The following WLS variants were observed in gnomAD, a reference collection of about 807,000 sequenced individuals.
The protein encoded by WLS is protein wntless homolog.
Under a neutral mutation model 62.8 loss-of-function variants are expected in WLS, and 23 were observed. The observed-to-expected ratio is 0.37, with a 90% confidence interval of 0.26 to 0.52. The LOEUF is 0.52. WLS is among the 20% of genes least tolerant of loss of function. WLS has a pLI of 0.92. For missense variants in WLS, 615 were observed against 697.3 expected (o/e 0.88, Z 1.33); for synonymous variants, 246 against 244.1 (o/e 1.01, Z -0.07).
chr1:68,207,260 A>T (rs2566796), intron 1 of WLS, among the ~76,000 whole-genome samples: 146,128 of 152,320 alleles, frequency 0.96, 70,402 homozygotes, highest in East Asian at 1. Context: ...CAGTGGTCTG[A>T]ATACTCACAG....
intron 1 of WLS, among the ~76,000 whole-genome samples, chr1:68,212,073 C>A (rs1470406030): frequency 6.6e-6 from 1 of 152,182 alleles, no homozygotes; most frequent in African/African-American, 2.4e-5. Flanking sequence ...AAGAGCTTTC[C>A]TTCCCCCTTT....
chr1:68,174,868 GCCTGGTGA>G (rs2100550834), intron 2 of WLS, among the ~76,000 whole-genome samples: 1 of 152,266 alleles, frequency 6.6e-6, no homozygotes, highest in South Asian at 2.1e-4. Flanking sequence ...GGGCCTGTTG[GCCTGGTGA>G]CCTCCTCCAC....
At chr1:68,160,071 CTTTTTT>C (rs58448910) in intron 2 of WLS, among the ~76,000 whole-genome samples, 3,487 of 93,610 alleles carry the variant, frequency 0.037, 160 homozygotes, top group African/African-American at 0.13. Flanking sequence ...GCAGAGAAGT[CTTTTTT>C]TTTTTTTTTT....
chr1:68,208,655 G>C (rs1011758434), intron 1 of WLS, among the ~76,000 whole-genome samples: 2 of 152,204 alleles, frequency 1.3e-5, no homozygotes, highest in African/African-American at 4.8e-5. Context: ...TTGACTGCCT[G>C]TTTCTTTGAC....
intron 1 of WLS, among the ~76,000 whole-genome samples, chr1:68,216,655 A>AC (rs1557526045): frequency 1.6e-4 from 2 of 12,694 alleles, no homozygotes; most frequent in East Asian, 0.2. Flanking sequence ...TTAGACAATA[A>AC]TGGGGGAGAT....
chr1:68,143,390 A>G (rs547206056), intron 10 of WLS, among the ~76,000 whole-genome samples: 2 of 152,322 alleles, frequency 1.3e-5, no homozygotes, highest in African/African-American at 4.8e-5. Flanking sequence ...GCTATTCATA[A>G]GAACACAGCT....
At chr1:68,108,343 T>C (rs968020899) in intron 11 of WLS, among the ~76,000 whole-genome samples, 6 of 152,242 alleles carry the variant, frequency 3.9e-5, no homozygotes, top group African/African-American at 1.4e-4. Context: ...AGATTTTCAG[T>C]TTCTTCATCT....
At chr1:68,150,408 T>G in intron 5 of WLS, 52 bp from the exon 6 acceptor site, 1 of 1,599,820 alleles carries the variant, frequency 6.3e-7, no homozygotes, top group South Asian at 1.1e-5. Flanking sequence ...GGAAGGCAGA[T>G]TTTCAAACAA....
chr1:68,232,112 G>A, intron 1 of WLS, 82 bp downstream of exon 1: 2 of 1,577,984 alleles, frequency 1.3e-6, no homozygotes, highest in Admixed American at 1.7e-5. Context: ...CAGTGATACT[G>A]TAACAAGTAG....
At chr1:68,200,775 G>T (rs760182401) in intron 1 of WLS, among the ~76,000 whole-genome samples, 3 of 152,088 alleles carry the variant, frequency 2.0e-5, no homozygotes, top group Non-Finnish European at 4.4e-5. Context: ...AGAACTAAAA[G>T]GCATATGCCC....
intron 1 of WLS, among the ~76,000 whole-genome samples, chr1:68,216,480 T>G (rs1291070221): frequency 6.6e-6 from 1 of 152,220 alleles, no homozygotes; most frequent in Non-Finnish European, 1.5e-5. Context: ...CAACAGAGCA[T>G]GGGAGAGTTC....
At chr1:68,104,385 C>T (rs1646118008) in intron 11 of WLS, among the ~76,000 whole-genome samples, 1 of 152,118 alleles carries the variant, frequency 6.6e-6, no homozygotes, top group African/African-American at 2.4e-5. Flanking sequence ...CATAATAGTT[C>T]CATTAATGCA....
chr1:68,124,735 T>C (rs1037835390), downstream of WLS, among the ~76,000 whole-genome samples: 65 of 152,154 alleles, frequency 4.3e-4, no homozygotes, highest in African/African-American at 1.5e-3. Context: ...CTACTGTCAC[T>C]GCTTACCACG....
downstream of WLS, among the ~76,000 whole-genome samples, chr1:68,122,461 T>C (rs1193093560): frequency 6.6e-6 from 1 of 152,236 alleles, no homozygotes; most frequent in Non-Finnish European, 1.5e-5. Context: ...GAACAATACA[T>C]AGTGAAAATC....
chr1:68,106,558 A>C (rs1646146945), intron 11 of WLS, among the ~76,000 whole-genome samples: 1 of 152,250 alleles, frequency 6.6e-6, no homozygotes, highest in South Asian at 2.1e-4. Flanking sequence ...ATTCCATTCC[A>C]GAAACGTGTC....
intron 1 of WLS, among the ~76,000 whole-genome samples, chr1:68,230,614 T>TG (rs34397352): frequency 1.3e-5 from 2 of 151,736 alleles, no homozygotes; most frequent in East Asian, 2.0e-4. Context: ...TGTGTGTGTG[T>TG]TGAGGGTGAG....
At chr1:68,110,725 A>G (rs994627323) in intron 11 of WLS, among the ~76,000 whole-genome samples, 1 of 112,556 alleles carries the variant, frequency 8.9e-6, no homozygotes, top group Non-Finnish European at 1.8e-5. Context: ...GTATGTATAT[A>G]TATGTTTGTA....
At chr1:68,231,951 C>G (rs977430200) in intron 1 of WLS, 13 of 593,636 alleles carry the variant, frequency 2.2e-5, no homozygotes, top group Admixed American at 7.7e-5. Flanking sequence ...CGCCGCCCCC[C>G]TCTTGCCTTT....
At chr1:68,192,862 A>G (rs563478856) in intron 2 of WLS, among the ~76,000 whole-genome samples, 1 of 150,170 alleles carries the variant, frequency 6.7e-6, no homozygotes, top group South Asian at 2.1e-4. Context: ...TGGGAGGCCA[A>G]GGTGGGTGGA....
Sources: gnomAD v4.1 joint callset for allele counts (sites outside exome capture counted in the v4.1 genomes callset) on GRCh38, gnomAD v4.1.1 for gene constraint, MANE v1.5 for transcripts, NCBI Gene and HGNC (gene_info 2026-07-23, HGNC 2026-07-21) for gene names.